TTN: variants seen among roughly 807,000 people sequenced by gnomAD.
TTN encodes the protein titin.
A neutral mutation model predicts 3,223.0 loss-of-function variants in TTN; 1,525 were observed. The ratio of observed to expected loss-of-function variants is 0.47; its 90% CI spans 0.45 to 0.49. TTN has a LOEUF of 0.49. Ranked by LOEUF, TTN falls within the 20% of genes least tolerant of loss-of-function variation. The pLI, the probability that TTN is intolerant of heterozygous loss-of-function variation, is 0.00. For missense variants in TTN, 40,786 were observed against 43,424.0 expected (o/e 0.94, Z 5.40); for synonymous variants, 14,094 against 15,161.0 (o/e 0.93, Z 5.17).
At position 178,684,070 on chromosome 2, in the gene TTN, G is replaced by A. The variant is rs781655223; in HGVS notation, c.32735C>T (p.Pro10912Leu). Residue 10912 changes from proline (P) to leucine (L), a missense_variant, in exon 133 of 363, where the codon CCG becomes CTG. Coordinates refer to ENST00000589042, the MANE Select transcript of TTN (RefSeq NM_001267550.2). ...APPKARVPEE[P>L]KRAVPEEKVL... ...TTTTTCTTCTGGGACAGCTCTCTTC[G>A]GTTCCTCTGGCACTTTAAAGAGAGA... 18 of 1,610,588 alleles carry A rather than the reference G, an allele frequency of 1.1e-5. No individual in the cohort carries two copies. The highest frequency in any genetic ancestry group is 4.0e-5 in the African/African-American group (3 of 74,306).
intron 47 of TTN, among the ~76,000 whole-genome samples, chr2:178,752,315 G>T (rs1432109859): frequency 1.3e-5 from 2 of 152,054 alleles, no homozygotes; most frequent in Non-Finnish European, 2.9e-5. Context: ...ACATGTTCCT[G>T]TGCATATTTG....
rs559213997 is a variant in TTN, at chr2:178,536,696, A to G, written c.100172-121T>C. The G allele has an allele frequency of 3.2e-6, 3 of 942,072 alleles. No individual in the cohort carries two copies. In the South Asian group the frequency reaches 6.8e-5, roughly 21 times the overall value. 58.4% of individuals were successfully genotyped at this position (942,072 alleles called of 1,614,324 possible). A position where few individuals can be genotyped will look rare whatever the true frequency, so the allele number is the denominator to read the frequency against. On this transcript the variant is annotated intron_variant, in intron 356 of 362. Transcript: ENST00000589042. ...TTTGTTAAAAAATAGCTATTCCAGAAAGATGAAATTGGTTACTTTATACTA... is the reference window on the plus strand; with the variant it reads ...TTTGTTAAAAAATAGCTATTCCAGAGAGATGAAATTGGTTACTTTATACTA...
intron 47 of TTN, chr2:178,751,739 G>A: frequency 6.2e-7 from 1 of 1,613,212 alleles, no homozygotes; most frequent in Non-Finnish European, 8.5e-7. Context: ...ATCACTCTCA[G>A]CTTTTATAAT....
chr2:178,799,248 C>A, intron 6 of TTN: 1 of 556,170 alleles, frequency 1.8e-6, no homozygotes. Context: ...ACACCCTATG[C>A]CTATAAAAAC....
At chr2:178,609,184 G>T in intron 273 of TTN, 24 bp downstream of exon 273, 2 of 1,471,938 alleles carry the variant, frequency 1.4e-6, no homozygotes, top group Non-Finnish European at 9.0e-7. Flanking sequence ...TTTTCCATTG[G>T]AAAGTGTAGT....
rs1177057253 is a variant in TTN, at chr2:178,753,282, A to G, written c.11255-102T>C. On this transcript the variant is annotated intron_variant, in intron 46 of 362. Transcript: ENST00000589042. ...ATTAAAGTTTTCTTTTTATTATAACAACAGAAAACTACATTCCCCAAATTT... is the reference window on the plus strand; with the variant it reads ...ATTAAAGTTTTCTTTTTATTATAACGACAGAAAACTACATTCCCCAAATTT... 5 of 919,456 alleles carry G rather than the reference A, an allele frequency of 5.4e-6. No individual in the cohort carries two copies. In the Admixed American group the frequency reaches 1.2e-4, roughly 22 times the overall value. The allele number at this position is 919,456 out of a possible 1,614,324, so 57.0% of individuals were successfully genotyped here.
chr2:178,625,625 A>G (rs1353838807), intron 240 of TTN, among the ~76,000 whole-genome samples: 1 of 152,000 alleles, frequency 6.6e-6, no homozygotes, highest in Admixed American at 6.6e-5. Flanking sequence ...CACAATGTGC[A>G]GGTTAGTTAC....
chr2:178,629,020 A>G (rs1488036264), intron 240 of TTN, among the ~76,000 whole-genome samples: 1 of 152,138 alleles, frequency 6.6e-6, no homozygotes, highest in Non-Finnish European at 1.5e-5. Context: ...TAATCAAACT[A>G]TCATTCATAG....
rs1706489546 is a variant in TTN at position 178,567,815 on chromosome 2, G to A, written c.78317C>T (p.Thr26106Ile). The change falls in exon 326 of 363, where the codon ACT becomes ATT. Residue 26106 changes from threonine to isoleucine, a missense_variant. By Grantham distance (89) the Thr-to-Ile change is moderately conservative. Coordinates refer to ENST00000589042, the MANE Select transcript of TTN (RefSeq NM_001267550.2). ...ATACACAGGTTTGGTCCACTGTAAA[G>A]TGATTTCATTTCTTTTAACCATTAT... ...EPIMVKRNEI[T>I]LQWTKPVYDG... The A allele has an allele frequency of 3.1e-6, 5 of 1,613,416 alleles. No homozygotes were observed. The highest frequency in any genetic ancestry group is 1.3e-5 in the African/African-American group (1 of 74,888).
At position 178,552,453 on chromosome 2, in the gene TTN, C is replaced by T; in HGVS notation, c.90447G>A (p.Val30149=). The change falls in exon 335 of 363, where the codon GTG becomes GTA. Residue 30149 remains valine, a synonymous_variant. Transcript: ENST00000589042. ...AQVTVRIGHN[V]HLELPYKGKP... is the part of the protein sequence containing the mutation. ...TTCCCTTATAAGGTAATTCAAGGTG[C>T]ACATTGTGCCCAATTCTCACAGTGA... The T allele has an allele frequency of 6.2e-7, 1 of 1,607,380 alleles. No homozygotes were observed. The highest frequency in any genetic ancestry group is 8.5e-7 in the Non-Finnish European group (1 of 1,174,794).
In TTN at chr2:178,564,491, T is replaced by G. The variant is rs1704936651; in HGVS notation, c.81641A>C (p.Asp27214Ala). 5 of 1,612,198 alleles carry G rather than the reference T, an allele frequency of 3.1e-6. No homozygotes were observed. The highest frequency in any genetic ancestry group is 4.2e-6 in the Non-Finnish European group (5 of 1,179,014). Residue 27214 changes from aspartate to alanine, a missense_variant, in exon 326 of 363, where the codon GAT becomes GCT. By Grantham distance (126) the Asp-to-Ala change is moderately radical. Transcript: ENST00000589042. ...AAAGCTGGCTTTCATCCAGCGGCCA[T>G]CAGGTAGATCTTTCTTTTCTACAAT... ...GYIVEKKDLP[D>A]GRWMKASFTN...
At position 178,539,908 on chromosome 2, in the gene TTN, A is replaced by G. The variant is rs1373988691; in HGVS notation, c.98157T>C (p.Gly32719=). The G allele has an allele frequency of 4.3e-6, 7 of 1,613,764 alleles. No individual in the cohort carries two copies. Among genetic ancestry groups the G allele is most frequent in the Non-Finnish European group, 5.1e-6 (6 of 1,179,752 alleles). ...TTGGTATGGTAAGTCTGATGACGCC[A>G]CCTTGCCTTACAAAGATACCTTCTT... ...RYQEGIFVRQ[G]GVIRLTIPIK... Residue 32719 remains glycine, a synonymous_variant, in exon 352 of 363, where the codon GGT becomes GGC. Transcript: ENST00000589042.
intron 215 of TTN, 125 bp downstream of exon 215, chr2:178,646,939 T>C: frequency 5.4e-6 from 2 of 367,146 alleles, no homozygotes; most frequent in Admixed American, 4.4e-5. Context: ...AATAAAGCAG[T>C]CAAACATGCT....
At chr2:178,649,946 A>G (rs943365909) in intron 210 of TTN, 52 bp from the exon 211 acceptor site, 1 of 1,550,376 alleles carries the variant, frequency 6.5e-7, no homozygotes, top group Non-Finnish European at 8.8e-7. Flanking sequence ...TGAAAAATTT[A>G]ATGCTAATGA....
chr2:178,706,104 C>T (rs1464882609), intron 102 of TTN, among the ~76,000 whole-genome samples: 1 of 152,112 alleles, frequency 6.6e-6, no homozygotes, highest in Non-Finnish European at 1.5e-5. Flanking sequence ...ATGGATGGCC[C>T]ATGACTCTTG....
Position 178,560,495 on chromosome 2 carries a change from T to A in TTN, c.85637A>T (p.Asp28546Val). The A allele has an allele frequency of 6.2e-7, 1 of 1,613,100 alleles. No homozygotes were observed. Among genetic ancestry groups the A allele is most frequent in the Non-Finnish European group, 8.5e-7 (1 of 1,179,478 alleles). The change falls in exon 326 of 363, where the codon GAT becomes GTT. Residue 28546 changes from aspartate to valine, a missense_variant. Physicochemically the swap from Asp to Val is radical, Grantham distance 152. Transcript: ENST00000589042. ...PLESVAIKAL[D>V]PFTVPSPPTS... ...GGGTGGACTTGGAACTGTAAATGGA[T>A]CTAGTGCCTTTATAGCTACACTCTC...
In TTN at chr2:178,763,934, A is replaced by AT. The variant is rs35168948; in HGVS notation, c.10114+242dup. Among the ~76,000 whole-genome samples, 132,897 of 152,044 alleles carry AT rather than the reference A, an allele frequency of 0.87. 58,237 individuals are homozygous for AT. The highest frequency in any genetic ancestry group is 0.98 in the East Asian group (5,061 of 5,186). On this transcript the variant is annotated intron_variant, in intron 43 of 362. Transcript: ENST00000589042. ...TTTTTAATATTAGTGAAAAACACTA[A>AT]TTTTTTTATTGTGATAAAGAACACA... is the stretch of plus-strand genomic sequence containing the variant.
At chr2:178,694,987 T>C in intron 115 of TTN, 81 bp from the exon 116 acceptor site, 1 of 979,436 alleles carries the variant, frequency 1.0e-6, no homozygotes, top group Non-Finnish European at 1.5e-6. Context: ...TCTCTCTGTG[T>C]ATATGTGTTT....
At chr2:178,689,743 C>T in intron 122 of TTN, 70 bp downstream of exon 122, 1 of 1,494,942 alleles carries the variant, frequency 6.7e-7, no homozygotes, top group Non-Finnish European at 9.1e-7. Flanking sequence ...ACTCAATGAA[C>T]AGATAATTAA....
Sources: allele counts gnomAD v4.1 joint callset (sites outside exome capture counted in the v4.1 genomes callset), GRCh38; gene constraint gnomAD v4.1.1; transcripts MANE v1.5; gene names NCBI Gene and HGNC (gene_info 2026-07-23, HGNC 2026-07-21).